RANBP2: variants seen among roughly 807,000 people sequenced by gnomAD.
RANBP2 encodes RAN binding protein 2.
A neutral mutation model predicts 303.6 loss-of-function variants in RANBP2; 57 were observed. That is an observed-to-expected ratio of 0.19 (90% CI 0.15 to 0.23). The LOEUF (loss-of-function observed/expected upper bound fraction) is 0.23, where lower values mean the gene tolerates loss of function less well. Among genes scored for constraint, RANBP2 ranks in the 10% least tolerant of loss-of-function variants. The probability of loss-of-function intolerance (pLI) is 1.00; values close to 1 mark genes in which losing one functional copy is unlikely to be tolerated. For synonymous variants in RANBP2, 1,167 were observed against 1,301.5 expected (o/e 0.90, Z 2.23); for missense variants, 3,138 against 3,780.8 (o/e 0.83, Z 4.46).
chr2:109,571,358 G>A, the RANBP2 span, among the ~76,000 whole-genome samples: 1 of 152,178 alleles, frequency 6.6e-6, no homozygotes, highest in Admixed American at 6.5e-5. Flanking sequence ...GAACATCACA[G>A]AGTATACTCA....
At chr2:109,318,806 G>C in the RANBP2 span, among the ~76,000 whole-genome samples, 2 of 152,196 alleles carry the variant, frequency 1.3e-5, no homozygotes, top group Non-Finnish European at 2.9e-5. Context: ...TCTGGCCTGA[G>C]GCCACCCATC....
At chr2:109,114,408 G>A in the RANBP2 span, among the ~76,000 whole-genome samples, 3 of 152,186 alleles carry the variant, frequency 2.0e-5, no homozygotes, top group East Asian at 3.8e-4. Flanking sequence ...AGATTTTCTA[G>A]TTTATTTGCC....
the RANBP2 span, among the ~76,000 whole-genome samples, chr2:109,142,694 A>G: frequency 6.6e-6 from 1 of 152,122 alleles, no homozygotes; most frequent in Non-Finnish European, 1.5e-5. Context: ...AACTGAGCGG[A>G]GCATGGGCTG....
chr2:109,683,959 T>A, the RANBP2 span, among the ~76,000 whole-genome samples: 2 of 152,088 alleles, frequency 1.3e-5, no homozygotes, highest in Non-Finnish European at 2.9e-5. Context: ...CTATTTTTTT[T>A]TTGACAGAGT....
chr2:109,568,086 A>C, the RANBP2 span: 3 of 820,954 alleles, frequency 3.7e-6, no homozygotes, highest in Admixed American at 2.9e-5. Context: ...CCCTAAACCT[A>C]GATCGGGGGG....
At chr2:109,485,346 G>T in the RANBP2 span, among the ~76,000 whole-genome samples, 6 of 152,338 alleles carry the variant, frequency 3.9e-5, no homozygotes, top group South Asian at 1.2e-3. Context: ...GAAATGACTT[G>T]TATCTCTGTT....
At chr2:109,122,297 T>C in the RANBP2 span, among the ~76,000 whole-genome samples, 1 of 152,034 alleles carries the variant, frequency 6.6e-6, no homozygotes, top group Non-Finnish European at 1.5e-5. Flanking sequence ...TCAACAGGGA[T>C]TGGAAAGGGA....
chr2:108,846,828 C>A, the RANBP2 span: 1 of 1,607,398 alleles, frequency 6.2e-7, no homozygotes, highest in Non-Finnish European at 8.5e-7. Context: ...TTCTCCACAG[C>A]ATTCTGTGGA....
chr2:109,446,258 G>A, the RANBP2 span, among the ~76,000 whole-genome samples: 5 of 152,194 alleles, frequency 3.3e-5, no homozygotes, highest in African/African-American at 1.2e-4. Context: ...AATCGGAAGT[G>A]ACATGGCTGG....
the RANBP2 span, among the ~76,000 whole-genome samples, chr2:109,630,621 G>A: frequency 3.3e-5 from 5 of 152,158 alleles, no homozygotes; most frequent in African/African-American, 4.8e-5. Flanking sequence ...TAGGACCGAT[G>A]AGCATAATGC....
At chr2:109,213,744 G>T in the RANBP2 span, among the ~76,000 whole-genome samples, 1 of 152,182 alleles carries the variant, frequency 6.6e-6, no homozygotes, top group Non-Finnish European at 1.5e-5. Flanking sequence ...GGGAACGTGG[G>T]GATGGTTTTA....
At chr2:109,486,912 T>C in the RANBP2 span, among the ~76,000 whole-genome samples, 1 of 152,166 alleles carries the variant, frequency 6.6e-6, no homozygotes, top group African/African-American at 2.4e-5. Flanking sequence ...GACGTTTTGT[T>C]CCTAACAGAT....
chr2:109,562,568 G>A, the RANBP2 span, among the ~76,000 whole-genome samples: 54 of 152,210 alleles, frequency 3.5e-4, no homozygotes, highest in African/African-American at 1.1e-3. Flanking sequence ...TTCATCCCTG[G>A]AAATTCTGAC....
At chr2:109,571,130 C>T in the RANBP2 span, among the ~76,000 whole-genome samples, 27 of 152,276 alleles carry the variant, frequency 1.8e-4, no homozygotes, top group South Asian at 5.2e-3. Flanking sequence ...ATAAGACATG[C>T]CTGCTTCCCC....
the RANBP2 span, among the ~76,000 whole-genome samples, chr2:108,809,845 G>A: frequency 2.2e-4 from 34 of 152,048 alleles, no homozygotes; most frequent in East Asian, 3.9e-4. Flanking sequence ...TCACTCTGTC[G>A]CCCAGGCTGG....
the RANBP2 span, among the ~76,000 whole-genome samples, chr2:109,417,699 C>T: frequency 1.3e-5 from 2 of 152,284 alleles, no homozygotes; most frequent in East Asian, 3.9e-4. Flanking sequence ...CTCGGTTGCA[C>T]CCGCTCATTC....
At chr2:109,180,641 A>T in the RANBP2 span, among the ~76,000 whole-genome samples, 1 of 151,798 alleles carries the variant, frequency 6.6e-6, no homozygotes, top group African/African-American at 2.4e-5. Flanking sequence ...ATAAGGAGAA[A>T]CCCTTTTTGC....
the RANBP2 span, among the ~76,000 whole-genome samples, chr2:109,075,125 A>C: frequency 6.7e-6 from 1 of 150,014 alleles, no homozygotes; most frequent in Admixed American, 6.6e-5. Flanking sequence ...GAACAAACTA[A>C]GCCCAAAGTT....
the RANBP2 span, among the ~76,000 whole-genome samples, chr2:108,805,410 A>C: frequency 6.6e-6 from 1 of 152,180 alleles, no homozygotes; most frequent in Non-Finnish European, 1.5e-5. Flanking sequence ...AACTGGTATC[A>C]CATTGCAGTA....
Sources: gnomAD v4.1 joint callset for allele counts (sites outside exome capture counted in the v4.1 genomes callset) on GRCh38, gnomAD v4.1.1 for gene constraint, MANE v1.5 for transcripts, NCBI Gene and HGNC (gene_info 2026-07-23, HGNC 2026-07-21) for gene names.